The following DPP10 variants were observed in gnomAD, a reference collection of about 807,000 sequenced individuals.
DPP10 encodes the protein dipeptidyl peptidase like 10.
In DPP10, 33 loss-of-function variants were observed where a neutral mutation model predicts 120.9. The ratio of observed to expected loss-of-function variants is 0.27; its 90% CI spans 0.21 to 0.37. The LOEUF is 0.37. Ranked by LOEUF, DPP10 falls within the 10% of genes least tolerant of loss-of-function variation. The probability of loss-of-function intolerance (pLI) is 1.00; values close to 1 mark genes in which losing one functional copy is unlikely to be tolerated. For synonymous variants in DPP10, 337 were observed against 326.1 expected (o/e 1.03, Z -0.36); for missense variants, 816 against 942.8 (o/e 0.87, Z 1.76).
intron 1 of DPP10, among the ~76,000 whole-genome samples, chr2:115,082,963 TCA>T (rs1276383162): frequency 2.0e-5 from 3 of 152,232 alleles, no homozygotes; most frequent in Admixed American, 6.5e-5. Context: ...TAAATCTCTC[TCA>T]GTTATCAAAT....
intron 1 of DPP10, among the ~76,000 whole-genome samples, chr2:114,577,036 T>C (rs927288390): frequency 6.6e-6 from 1 of 151,856 alleles, no homozygotes; most frequent in Admixed American, 6.6e-5. Context: ...TGGAGAAAAA[T>C]ATATGGTATG....
At chr2:115,382,187 C>G (rs565897361) in intron 3 of DPP10, among the ~76,000 whole-genome samples, 1 of 152,322 alleles carries the variant, frequency 6.6e-6, no homozygotes, top group East Asian at 1.9e-4. Context: ...TGATCTCAGA[C>G]TGCTGTGCTA....
intron 1 of DPP10, among the ~76,000 whole-genome samples, chr2:114,564,320 T>G (rs1447275624): frequency 3.3e-5 from 5 of 152,038 alleles, no homozygotes; most frequent in South Asian, 2.1e-4. Flanking sequence ...TTTATATAAT[T>G]ATCTAACCAA....
chr2:115,660,448 A>G (rs914041568), intron 5 of DPP10, among the ~76,000 whole-genome samples: 2 of 152,222 alleles, frequency 1.3e-5, no homozygotes, highest in Admixed American at 1.3e-4. Flanking sequence ...ACTTAATTGT[A>G]TAAATATCTC....
At chr2:114,474,526 G>A (rs1457382529) in intron 1 of DPP10, among the ~76,000 whole-genome samples, 1 of 152,170 alleles carries the variant, frequency 6.6e-6, no homozygotes, top group Non-Finnish European at 1.5e-5. Context: ...AGGGGACTGA[G>A]TAAATACAGG....
chr2:114,750,136 A>G (rs1190458196), intron 1 of DPP10, among the ~76,000 whole-genome samples: 3 of 152,106 alleles, frequency 2.0e-5, no homozygotes, highest in African/African-American at 7.2e-5. Flanking sequence ...GAGAACTGTG[A>G]AAAAAATGGA....
chr2:115,619,623 C>T (rs997119969), intron 5 of DPP10, among the ~76,000 whole-genome samples: 1 of 152,212 alleles, frequency 6.6e-6, no homozygotes, highest in Non-Finnish European at 1.5e-5. Context: ...CTACAGTCAC[C>T]TGTCCATCTC....
At chr2:115,568,752 G>T (rs981499782) in intron 5 of DPP10, among the ~76,000 whole-genome samples, 8 of 152,108 alleles carry the variant, frequency 5.3e-5, no homozygotes, top group African/African-American at 1.9e-4. Context: ...AGGCTAAGCT[G>T]TCAGTCAGTG....
At chr2:115,362,311 C>T (rs1392371458) in intron 3 of DPP10, among the ~76,000 whole-genome samples, 1 of 152,088 alleles carries the variant, frequency 6.6e-6, no homozygotes, top group Non-Finnish European at 1.5e-5. Flanking sequence ...ATACCATGCT[C>T]TGCATTTTTA....
At chr2:115,423,273 C>G (rs2070147013) in intron 3 of DPP10, among the ~76,000 whole-genome samples, 1 of 152,048 alleles carries the variant, frequency 6.6e-6, no homozygotes, top group South Asian at 2.1e-4. Flanking sequence ...ACAGATATTT[C>G]AGTTTACACT....
chr2:115,256,151 A>G (rs1438397748), intron 1 of DPP10, among the ~76,000 whole-genome samples: 1 of 152,184 alleles, frequency 6.6e-6, no homozygotes, highest in Non-Finnish European at 1.5e-5. Context: ...GGCCTCAGGA[A>G]ACTTACAATC....
chr2:115,301,500 C>T (rs1304032448), intron 1 of DPP10, among the ~76,000 whole-genome samples: 1 of 143,660 alleles, frequency 7.0e-6, no homozygotes, highest in East Asian at 2.0e-4. Context: ...ACTGCACTCA[C>T]TGTTCCAAGG....
rs894563053 is a variant in DPP10 at position 115,335,750 on chromosome 2, A to G, written c.176-8067A>G. ...TGATGTTATTTCAATCAGCTAGTCA[A>G]TAATATTTAAAATGGAAATGCATTA... On this transcript the variant is annotated intron_variant, in intron 2 of 25. Coordinates refer to ENST00000410059, the MANE Select transcript of DPP10 (RefSeq NM_020868.6). 8.6e-5 allele frequency among the ~76,000 whole-genome samples: 13 copies of G among 152,002 alleles called. No individual in the cohort carries two copies. In the East Asian group the frequency reaches 2.1e-3, roughly 25 times the overall value.
chr2:115,458,555 G>A (rs545638820), intron 3 of DPP10, among the ~76,000 whole-genome samples: 1 of 152,194 alleles, frequency 6.6e-6, no homozygotes, highest in East Asian at 1.9e-4. Context: ...CAAACAATGG[G>A]TGAAGAGCTT....
chr2:115,707,962 C>G (rs547556347), intron 7 of DPP10, among the ~76,000 whole-genome samples: 9 of 151,568 alleles, frequency 5.9e-5, no homozygotes, highest in Non-Finnish European at 1.2e-4. Flanking sequence ...TCAGGAACTT[C>G]CAAAGTAAAG....
intron 3 of DPP10, among the ~76,000 whole-genome samples, chr2:115,496,507 A>G (rs1484105308): frequency 6.6e-6 from 1 of 152,168 alleles, no homozygotes; most frequent in Non-Finnish European, 1.5e-5. Context: ...AAGGGAAATC[A>G]TGATGAATTT....
At chr2:114,718,336 G>A (rs1320367533) in intron 1 of DPP10, among the ~76,000 whole-genome samples, 3 of 148,628 alleles carry the variant, frequency 2.0e-5, no homozygotes, top group Non-Finnish European at 4.5e-5. Flanking sequence ...GGGAGGCGGA[G>A]GTTGCAGTGA....
At chr2:115,217,414 C>T (rs1043688981) in intron 1 of DPP10, among the ~76,000 whole-genome samples, 2 of 152,208 alleles carry the variant, frequency 1.3e-5, no homozygotes, top group East Asian at 1.9e-4. Flanking sequence ...TTATTATCAC[C>T]GTTGACTCAA....
At chr2:114,822,153 C>G (rs1686143648) in intron 1 of DPP10, among the ~76,000 whole-genome samples, 1 of 152,192 alleles carries the variant, frequency 6.6e-6, no homozygotes, top group Non-Finnish European at 1.5e-5. Context: ...GCAGACTTTG[C>G]CCCTGAACAT....
Sources: allele counts gnomAD v4.1 joint callset (sites outside exome capture counted in the v4.1 genomes callset), GRCh38; gene constraint gnomAD v4.1.1; transcripts MANE v1.5; gene names NCBI Gene and HGNC (gene_info 2026-07-23, HGNC 2026-07-21).